The following PDE4D variants were observed in gnomAD, a reference collection of about 807,000 sequenced individuals.
PDE4D encodes the protein 3',5'-cyclic-AMP phosphodiesterase 4D.
PDE4D carries 24 observed loss-of-function variants against 87.4 expected under a neutral mutation model. That is an observed-to-expected ratio of 0.27 (90% CI 0.20 to 0.39). The LOEUF is 0.39. Among genes scored for constraint, PDE4D ranks in the 10% least tolerant of loss-of-function variants. PDE4D has a pLI of 1.00. For missense variants in PDE4D, 714 were observed against 1,041.0 expected (o/e 0.69, Z 4.32); for synonymous variants, 384 against 383.2 (o/e 1.00, Z -0.02).
At chr5:60,305,970 G>A (rs1754466939) in intron 1 of PDE4D, among the ~76,000 whole-genome samples, 1 of 152,058 alleles carries the variant, frequency 6.6e-6, no homozygotes. Flanking sequence ...TTCAATTAAT[G>A]AAGTTGGTCT....
chr5:59,299,159 T>C (rs1031853699), intron 1 of PDE4D, among the ~76,000 whole-genome samples: 8 of 152,162 alleles, frequency 5.3e-5, no homozygotes, highest in African/African-American at 1.4e-4. Context: ...TTCCTGTGAG[T>C]CTTGGCAAGG....
chr5:59,916,014 A>G (rs1455184859), intron 3 of PDE4D, among the ~76,000 whole-genome samples: 1 of 152,196 alleles, frequency 6.6e-6, no homozygotes, highest in African/African-American at 2.4e-5. Context: ...TAGTCCCCAG[A>G]ACTATCTATA....
intron 2 of PDE4D, among the ~76,000 whole-genome samples, chr5:59,202,620 G>A (rs951221959): frequency 2.0e-5 from 3 of 152,094 alleles, no homozygotes; most frequent in Non-Finnish European, 2.9e-5. Flanking sequence ...GAGGAGCCTG[G>A]TGGGAGATGA....
rs115535625 is a variant in PDE4D, at chr5:59,046,046, C to T, written c.809-7075G>A. 6.9e-3 allele frequency among the ~76,000 whole-genome samples: 1,052 copies of T among 152,212 alleles called. 14 individuals carry two copies. The highest frequency in any genetic ancestry group is 0.024 in the African/African-American group (1,005 of 41,522). On this transcript the variant is annotated intron_variant, in intron 5 of 14. Coordinates refer to ENST00000340635, the MANE Select transcript of PDE4D (RefSeq NM_001104631.2). ...GACTTCTTGCTCTTAAAAACTACAA[C>T]CTTGTAGTCACTAACTTATTAATCA...
At chr5:60,382,130 T>C (rs189137785) in intron 1 of PDE4D, among the ~76,000 whole-genome samples, 1,928 of 152,244 alleles carry the variant, frequency 0.013, 16 homozygotes, top group Non-Finnish European at 0.02. Flanking sequence ...CATTTAGAAG[T>C]TTGTCTTATG....
chr5:59,894,180 C>G (rs1751388215), upstream of PDE4D, among the ~76,000 whole-genome samples: 1 of 152,068 alleles, frequency 6.6e-6, no homozygotes, highest in South Asian at 2.1e-4. Context: ...TTCCCCTCGC[C>G]GTGCCCGCGC....
chr5:59,926,194 G>GAAATC (rs1296572092), intron 3 of PDE4D, among the ~76,000 whole-genome samples: 1 of 151,806 alleles, frequency 6.6e-6, no homozygotes, highest in Non-Finnish European at 1.5e-5. Flanking sequence ...AACAAAACTA[G>GAAATC]AAATCAATAA....
At chr5:59,403,096 A>AT (rs559761767) in intron 1 of PDE4D, among the ~76,000 whole-genome samples, 2 of 143,056 alleles carry the variant, frequency 1.4e-5, no homozygotes, top group Non-Finnish European at 3.2e-5. Context: ...CCAAAACATA[A>AT]TTTTTTAAAT....
rs935973314 is a variant in PDE4D, at chr5:58,969,076, A to G, written c.*5588T>C. The G allele has an allele frequency of 1.3e-5, 2 of 152,212 alleles. No homozygotes were observed. Among genetic ancestry groups the G allele is most frequent in the Admixed American group, 6.5e-5 (1 of 15,282 alleles). The allele number at this position is 152,212 out of a possible 1,614,324, so 9.4% of individuals were successfully genotyped here. On this transcript the variant is annotated 3_prime_UTR_variant, in exon 15 of 15. Transcript: ENST00000340635. ...AAGTTAAAAACTCTTTAATATCTCA[A>G]AATATCTTATCAGATTGAATTATAT...
At position 59,604,394 on chromosome 5, in the gene PDE4D, G is replaced by A. The variant is rs539716261; in HGVS notation, c.455+288774C>T. On this transcript the variant is annotated intron_variant, in intron 1 of 14. Transcript: ENST00000340635. The stretch of plus-strand genomic sequence containing the variant: ...ATGTTTGCCATTTAACCTGCTGACT[G>A]CAATGGTGAGAATGTTAAATTAGGG... 2.6e-5 allele frequency among the ~76,000 whole-genome samples: 4 copies of A among 152,178 alleles called. No homozygotes were observed. The South Asian group carries it at 8.3e-4, about 32-fold the overall frequency.
chr5:60,142,490 A>G (rs1349804410), intron 2 of PDE4D, among the ~76,000 whole-genome samples: 1 of 152,046 alleles, frequency 6.6e-6, no homozygotes, highest in African/African-American at 2.4e-5. Flanking sequence ...ATTACTTTTA[A>G]CTCTGTAGTT....
chr5:59,980,130 T>C, intron 3 of PDE4D, among the ~76,000 whole-genome samples: 1 of 152,230 alleles, frequency 6.6e-6, no homozygotes, highest in East Asian at 1.9e-4. Flanking sequence ...TGCATTTTTT[T>C]CATAAACACA....
chr5:60,260,027 C>CT (rs574347933), intron 1 of PDE4D, among the ~76,000 whole-genome samples: 37 of 149,050 alleles, frequency 2.5e-4, no homozygotes, highest in East Asian at 9.8e-4. Flanking sequence ...ATTTACAATT[C>CT]TTTTTTTTTT....
chr5:60,400,276 A>G (rs1015456334), intron 1 of PDE4D, among the ~76,000 whole-genome samples: 1 of 152,160 alleles, frequency 6.6e-6, no homozygotes, highest in Non-Finnish European at 1.5e-5. Flanking sequence ...TAATCCCAGC[A>G]CTTTGGGAGG....
At chr5:59,985,979 T>C (rs1005827334) in intron 3 of PDE4D, among the ~76,000 whole-genome samples, 1 of 152,240 alleles carries the variant, frequency 6.6e-6, no homozygotes, top group African/African-American at 2.4e-5. Context: ...TAAATCTTAA[T>C]GAAGATGGAA....
intron 1 of PDE4D, among the ~76,000 whole-genome samples, chr5:59,564,095 T>C (rs1425178090): frequency 6.6e-6 from 1 of 152,142 alleles, no homozygotes; most frequent in Non-Finnish European, 1.5e-5. Context: ...CATGTGAGCT[T>C]GGGGAAGTTA....
rs76056265 is a variant in PDE4D, at chr5:59,924,773, A to G, written c.272+63715T>C. ...AGAATCAATTAAAAATACAAAACTCACTGATGATAGTAAATATGCAGAGAA... is the reference window on the plus strand; with the variant it reads ...AGAATCAATTAAAAATACAAAACTCGCTGATGATAGTAAATATGCAGAGAA... On this transcript the variant is annotated intron_variant, in intron 3 of 16. Transcript: ENST00000502484. Among the ~76,000 whole-genome samples the G allele has an allele frequency of 3.6e-3, 554 of 152,246 alleles. 18 individuals carry two copies. The East Asian group carries it at 0.087, about 24-fold the overall frequency.
intron 1 of PDE4D, among the ~76,000 whole-genome samples, chr5:59,614,952 C>A (rs1829474997): frequency 6.6e-6 from 1 of 152,002 alleles, no homozygotes; most frequent in Non-Finnish European, 1.5e-5. Flanking sequence ...GCCTCAGCCT[C>A]CTGAGTAGCT....
intron 1 of PDE4D, among the ~76,000 whole-genome samples, chr5:59,326,098 C>T (rs1005966295): frequency 1.3e-5 from 2 of 151,930 alleles, no homozygotes; most frequent in Non-Finnish European, 2.9e-5. Context: ...AGGGGAACAT[C>T]ACACACCGGG....
Sources: allele counts gnomAD v4.1 joint callset (sites outside exome capture counted in the v4.1 genomes callset), GRCh38; gene constraint gnomAD v4.1.1; transcripts MANE v1.5; gene names NCBI Gene and HGNC (gene_info 2026-07-23, HGNC 2026-07-21).